BDNF: variants seen among roughly 807,000 people sequenced by gnomAD.
BDNF encodes brain derived neurotrophic factor.
Under a neutral mutation model 19.5 loss-of-function variants are expected in BDNF, and 1 was observed. The observed-to-expected ratio is 0.05, with a 90% CI of 0.02 to 0.24. The LOEUF is 0.24. Among genes scored for constraint, BDNF ranks in the 10% least tolerant of loss-of-function variants. The pLI, the probability that BDNF is intolerant of heterozygous loss-of-function variation, is 1.00. For synonymous variants in BDNF, 100 were observed against 121.6 expected, an observed-to-expected ratio of 0.82 and a Z score of 1.17; for missense variants, 195 against 317.6, an observed-to-expected ratio of 0.61 and a Z score of 2.93.
At chr11:27,699,434 C>T (rs200278157) in intron 1 of BDNF, 75 of 1,614,012 alleles carry the variant, frequency 4.6e-5, no homozygotes, top group Admixed American at 2.0e-4. Flanking sequence ...GTCAAGAATC[C>T]CCCACGTACA....
chr11:27,695,157 T>C (rs552340673), intron 1 of BDNF, among the ~76,000 whole-genome samples: 1 of 152,276 alleles, frequency 6.6e-6, no homozygotes, highest in South Asian at 2.1e-4. Flanking sequence ...CATATGGAAA[T>C]AAGCCATTTG....
chr11:27,686,497 G>A (rs1457948929), intron 1 of BDNF, among the ~76,000 whole-genome samples: 1 of 152,128 alleles, frequency 6.6e-6, no homozygotes, highest in East Asian at 1.9e-4. Context: ...TAGTTTCAAT[G>A]GTCTTTACAA....
At chr11:27,699,437 C>G in intron 1 of BDNF, 1 of 1,614,172 alleles carries the variant, frequency 6.2e-7, no homozygotes, top group Non-Finnish European at 8.5e-7. Flanking sequence ...AAGAATCCCC[C>G]ACGTACATCC....
chr11:27,686,345 T>C (rs1857480541), intron 1 of BDNF, among the ~76,000 whole-genome samples: 1 of 152,242 alleles, frequency 6.6e-6, no homozygotes, highest in Admixed American at 6.5e-5. Context: ...CTTGACTCTT[T>C]ATCCAATTTG....
chr11:27,673,782 G>A (rs1003035750), intron 1 of BDNF, among the ~76,000 whole-genome samples: 13 of 152,028 alleles, frequency 8.6e-5, no homozygotes, highest in African/African-American at 2.9e-4. Context: ...CCAAACTGCC[G>A]GGCTTCAATG....
chr11:27,678,557 C>T (rs1856468428), intron 1 of BDNF, among the ~76,000 whole-genome samples: 1 of 152,126 alleles, frequency 6.6e-6, no homozygotes, highest in Admixed American at 6.5e-5. Context: ...TAACTGGGAG[C>T]GCACTGTAAA....
At chr11:27,669,654 A>G (rs1292094462) in intron 1 of BDNF, among the ~76,000 whole-genome samples, 1 of 152,218 alleles carries the variant, frequency 6.6e-6, no homozygotes, top group Non-Finnish European at 1.5e-5. Context: ...ACTCCCATTC[A>G]CAATTGTTTC....
intron 1 of BDNF, among the ~76,000 whole-genome samples, chr11:27,686,400 T>G (rs1355555127): frequency 6.6e-6 from 1 of 152,224 alleles, no homozygotes; most frequent in Non-Finnish European, 1.5e-5. Flanking sequence ...CATTTATATT[T>G]AAGGTTAATA....
chr11:27,687,310 A>C (rs1021399788), intron 1 of BDNF, among the ~76,000 whole-genome samples: 1 of 151,714 alleles, frequency 6.6e-6, no homozygotes, highest in African/African-American at 2.4e-5. Flanking sequence ...AATTCCTCCA[A>C]CCTTTTTTCA....
intron 1 of BDNF, among the ~76,000 whole-genome samples, chr11:27,691,628 G>GT (rs1289113534): frequency 6.6e-6 from 1 of 152,106 alleles, no homozygotes; most frequent in Non-Finnish European, 1.5e-5. Context: ...CAAAGAATAA[G>GT]TACTCATTCA....
intron 1 of BDNF, among the ~76,000 whole-genome samples, chr11:27,687,605 C>CT (rs1280555015): frequency 6.6e-6 from 1 of 152,158 alleles, no homozygotes; most frequent in Non-Finnish European, 1.5e-5. Flanking sequence ...TGTGGACATC[C>CT]TTTTTGTTGA....
chr11:27,672,907 C>T (rs762136941), intron 1 of BDNF, among the ~76,000 whole-genome samples: 6 of 152,118 alleles, frequency 3.9e-5, no homozygotes, highest in Admixed American at 1.3e-4. Context: ...AGGCTTTTTA[C>T]GAAAGACTGC....
At chr11:27,715,761 G>A (rs188994219) in intron 1 of BDNF, among the ~76,000 whole-genome samples, 12 of 152,264 alleles carry the variant, frequency 7.9e-5, no homozygotes, top group Middle Eastern at 3.4e-3. Flanking sequence ...TACTGGCAGT[G>A]TAGTGTTAGA....
chr11:27,683,946 T>G (rs1471467720), intron 1 of BDNF, among the ~76,000 whole-genome samples: 3 of 152,202 alleles, frequency 2.0e-5, no homozygotes, highest in Non-Finnish European at 4.4e-5. Context: ...ATGAAGAAAG[T>G]CAATGGTAGC....
At chr11:27,691,928 C>T (rs962605150) in intron 1 of BDNF, among the ~76,000 whole-genome samples, 1 of 152,024 alleles carries the variant, frequency 6.6e-6, no homozygotes, top group African/African-American at 2.4e-5. Flanking sequence ...AGCTACTGAA[C>T]CCTAAAAAAA....
intron 1 of BDNF, among the ~76,000 whole-genome samples, chr11:27,689,491 A>T (rs1857965121): frequency 6.6e-6 from 1 of 152,244 alleles, no homozygotes; most frequent in Non-Finnish European, 1.5e-5. Flanking sequence ...TCTACATGAC[A>T]AGTGAAATCA....
intron 1 of BDNF, among the ~76,000 whole-genome samples, chr11:27,717,530 G>A (rs927125143): frequency 1.8e-4 from 27 of 152,252 alleles, no homozygotes; most frequent in African/African-American, 5.8e-4. Flanking sequence ...AATCAATACT[G>A]GTATACTCCA....
chr11:27,664,346 TACCTCCCTCCCTAGGA>T (rs1333294351), intron 1 of BDNF, among the ~76,000 whole-genome samples: 1 of 150,830 alleles, frequency 6.6e-6, no homozygotes, highest in African/African-American at 2.4e-5. Flanking sequence ...CAGTCTTACT[TACCTCCCTCCCTAGGA>T]GGGAGGTAGG....
intron 1 of BDNF, among the ~76,000 whole-genome samples, chr11:27,718,354 A>ACCAC (rs1554950387): frequency 2.2e-4 from 22 of 101,144 alleles, no homozygotes; most frequent in Admixed American, 7.8e-4. Flanking sequence ...TCCGCACACC[A>ACCAC]CCCCCCCCCG....
Sources: allele counts gnomAD v4.1 joint callset (sites outside exome capture counted in the v4.1 genomes callset), GRCh38; gene constraint gnomAD v4.1.1; transcripts MANE v1.5; gene names NCBI Gene and HGNC (gene_info 2026-07-23, HGNC 2026-07-21).